Variants in ERICH1 observed in about 807,000 individuals in gnomAD.
ERICH1 encodes glutamate-rich protein 1.
ERICH1 carries 56 observed loss-of-function variants against 39.6 expected under a neutral mutation model. The observed-to-expected ratio is 1.41, with a 90% CI of 1.14 to 1.77. ERICH1 has a LOEUF of 1.77. Ranked by LOEUF, ERICH1 falls within the 40% of genes most tolerant of loss-of-function variation. ERICH1 has a pLI of 0.00. For missense variants in ERICH1, 826 were observed against 575.4 expected, an observed-to-expected ratio of 1.44 and a Z score of -4.45; for synonymous variants, 313 against 223.6, an observed-to-expected ratio of 1.40 and a Z score of -3.57.
chr8:657,087 CTG>C (rs1190788954), intron 3 of ERICH1, among the ~76,000 whole-genome samples: 2 of 152,200 alleles, frequency 1.3e-5, no homozygotes, highest in African/African-American at 2.4e-5. Flanking sequence ...ACTCAACAAA[CTG>C]TAGTTTCTTA....
intron 3 of ERICH1, among the ~76,000 whole-genome samples, chr8:687,452 G>C (rs138010957): frequency 6.6e-6 from 1 of 152,230 alleles, no homozygotes; most frequent in Non-Finnish European, 1.5e-5. Flanking sequence ...AAGCCCAGAC[G>C]GTCTGGCACA....
chr8:653,983 T>C (rs1185751002), intron 3 of ERICH1, among the ~76,000 whole-genome samples: 1 of 151,828 alleles, frequency 6.6e-6, no homozygotes, highest in African/African-American at 2.4e-5. Flanking sequence ...CAGAGGTCCC[T>C]GGAGAAGTCG....
At chr8:729,802 G>A (rs1185527089) in intron 1 of ERICH1, among the ~76,000 whole-genome samples, 1 of 143,630 alleles carries the variant, frequency 7.0e-6, no homozygotes, top group African/African-American at 2.6e-5. Context: ...TTAATTTGGT[G>A]AATGGAGAAA....
chr8:710,195 G>A (rs1814380358), intron 2 of ERICH1, among the ~76,000 whole-genome samples: 1 of 152,130 alleles, frequency 6.6e-6, no homozygotes, highest in South Asian at 2.1e-4. Flanking sequence ...TGAAGCAAAC[G>A]CAGAATGAGA....
Position 647,094 on chromosome 8 carries a change from C to T in ERICH1, c.976+21504G>A, listed in dbSNP as rs1162266671. Among the ~76,000 whole-genome samples the T allele has an allele frequency of 4.4e-5, 3 of 68,662 alleles. 1 individual carries two copies. Among genetic ancestry groups the T allele is most frequent in the East Asian group, 5.9e-4 (2 of 3,380 alleles). 45.0% of individuals were successfully genotyped at this position (68,662 alleles called of 152,430 possible). A position where few individuals can be genotyped will look rare whatever the true frequency, so the allele number is the denominator to read the frequency against. On this transcript the variant is annotated intron_variant, in intron 3 of 3. Transcript: ENST00000522706. ...TGAGCATATTGAGGTAGCCTGTCCA[C>T]GCAGGTGGCGGGAGTCATGCTCAGG...
intron 3 of ERICH1, among the ~76,000 whole-genome samples, chr8:681,096 T>C (rs914490723): frequency 1.3e-5 from 2 of 152,212 alleles, no homozygotes; most frequent in African/African-American, 4.8e-5. Flanking sequence ...CCAGACTGGA[T>C]GCATTTGGCA....
At position 673,730 on chromosome 8, in the gene ERICH1, C is replaced by A. The variant is rs1266950856; in HGVS notation, c.622G>T (p.Glu208Ter). 2 of 1,614,208 alleles carry A rather than the reference C, an allele frequency of 1.2e-6. No homozygotes were observed. ...EGEGVGEACE[E>*]DGVDTSEEDP... ...TCCTCGCTGGTGTCCACACCATCCT[C>A]CTCACAAGCCTCTCCCACGCCTTCC... The change falls in exon 4 of 6, where the codon GAG (glutamate) becomes TAG (stop). Residue 208 changes from glutamate to a stop codon, truncating the protein, a stop_gained. Coordinates refer to ENST00000262109, the MANE Select transcript of ERICH1 (RefSeq NM_207332.3). LOFTEE classifies it high-confidence loss of function.
chr8:617,039 A>T (rs1183929419), intron 3 of ERICH1, among the ~76,000 whole-genome samples: 1 of 151,850 alleles, frequency 6.6e-6, no homozygotes, highest in African/African-American at 2.4e-5. Flanking sequence ...TTCAGGACCA[A>T]CGAAATAATT....
At chr8:705,201 C>G (rs919232585) in intron 2 of ERICH1, among the ~76,000 whole-genome samples, 7 of 152,242 alleles carry the variant, frequency 4.6e-5, no homozygotes, top group African/African-American at 1.7e-4. Flanking sequence ...CGTCTCATGT[C>G]CAAGGACGGA....
intron 3 of ERICH1, among the ~76,000 whole-genome samples, chr8:677,439 G>A (rs1196801987): frequency 6.6e-6 from 1 of 152,218 alleles, no homozygotes; most frequent in Non-Finnish European, 1.5e-5. Flanking sequence ...TCCGCACACA[G>A]TCCCAAGATG....
intron 3 of ERICH1, chr8:627,092 C>G: frequency 2.2e-6 from 1 of 455,994 alleles, no homozygotes; most frequent in Non-Finnish European, 4.4e-6. Flanking sequence ...CGGGGATGGA[C>G]GTATCCCTAG....
intron 3 of ERICH1, among the ~76,000 whole-genome samples, chr8:682,677 G>C (rs926478283): frequency 6.6e-6 from 1 of 152,222 alleles, no homozygotes; most frequent in African/African-American, 2.4e-5. Flanking sequence ...ACTTTAAAAG[G>C]AGTCACAATG....
intron 3 of ERICH1, among the ~76,000 whole-genome samples, chr8:625,389 G>A (rs1000359370): frequency 1.3e-5 from 2 of 152,182 alleles, no homozygotes; most frequent in African/African-American, 2.4e-5. Context: ...AGGTAGTGTC[G>A]TGCCTGTCTA....
chr8:685,180 C>A (rs1002704261), intron 3 of ERICH1, among the ~76,000 whole-genome samples: 6 of 152,182 alleles, frequency 3.9e-5, no homozygotes, highest in African/African-American at 1.2e-4. Flanking sequence ...CCCAGGAATG[C>A]ATTCTTTTTC....
intron 3 of ERICH1, among the ~76,000 whole-genome samples, chr8:622,686 C>A (rs767033003): frequency 2.6e-5 from 4 of 152,150 alleles, no homozygotes; most frequent in Non-Finnish European, 4.4e-5. Context: ...GGCACAGTGG[C>A]TCACACCTGT....
intron 2 of ERICH1, among the ~76,000 whole-genome samples, chr8:694,674 T>G (rs1243744018): frequency 1.3e-5 from 2 of 152,206 alleles, no homozygotes; most frequent in Non-Finnish European, 2.9e-5. Flanking sequence ...GGCTTGCTCG[T>G]CTGTGAATCA....
At chr8:685,775 A>G (rs1432531561) in intron 3 of ERICH1, among the ~76,000 whole-genome samples, 2 of 151,978 alleles carry the variant, frequency 1.3e-5, no homozygotes, top group African/African-American at 2.4e-5. Flanking sequence ...GTCTTTCTTC[A>G]TTATTACGGT....
At chr8:730,190 G>C (rs1246842173) in intron 1 of ERICH1, among the ~76,000 whole-genome samples, 1 of 152,220 alleles carries the variant, frequency 6.6e-6, no homozygotes, top group African/African-American at 2.4e-5. Flanking sequence ...TAACCTGTGA[G>C]CTGATCAGGT....
intron 3 of ERICH1, among the ~76,000 whole-genome samples, chr8:685,992 CAA>C (rs33933491): frequency 0.22 from 28,267 of 128,468 alleles, 3,015 homozygotes; most frequent in Middle Eastern, 0.36. Context: ...TAAAAAATAC[CAA>C]AAAAAAAAAA....
Sources: gnomAD v4.1 joint callset for allele counts (sites outside exome capture counted in the v4.1 genomes callset) on GRCh38, gnomAD v4.1.1 for gene constraint, MANE v1.5 for transcripts, NCBI Gene and HGNC (gene_info 2026-07-23, HGNC 2026-07-21) for gene names.